Variants in TMEM132D observed in about 807,000 individuals in gnomAD.
TMEM132D encodes mature OL transmembrane protein.
A neutral mutation model predicts 62.3 loss-of-function variants in TMEM132D; 21 were observed. That is an observed-to-expected ratio of 0.34 (90% CI 0.24 to 0.49). The LOEUF (loss-of-function observed/expected upper bound fraction) is 0.49. Ranked by LOEUF, TMEM132D falls within the 20% of genes least tolerant of loss-of-function variation. TMEM132D has a pLI of 0.99. For missense variants in TMEM132D, 1,346 were observed against 1,402.8 expected, an observed-to-expected ratio of 0.96 and a Z score of 0.65; for synonymous variants, 621 against 575.6, an observed-to-expected ratio of 1.08 and a Z score of -1.13.
At chr12:129,245,238 A>G (rs1256208173) in intron 4 of TMEM132D, among the ~76,000 whole-genome samples, 1 of 152,124 alleles carries the variant, frequency 6.6e-6, no homozygotes, top group African/African-American at 2.4e-5. Context: ...ACTCCTAACA[A>G]CTACCGATGT....
chr12:129,217,099 T>C (rs781681353), intron 4 of TMEM132D, among the ~76,000 whole-genome samples: 16 of 152,160 alleles, frequency 1.1e-4, no homozygotes, highest in Non-Finnish European at 1.8e-4. Flanking sequence ...CCCATAAATG[T>C]TAAAATAGAT....
chr12:129,702,560 T>A (rs1423515991), intron 1 of TMEM132D, among the ~76,000 whole-genome samples: 1 of 152,168 alleles, frequency 6.6e-6, no homozygotes, highest in Non-Finnish European at 1.5e-5. Context: ...ATTATCAAAG[T>A]CACCTTGCTG....
intron 2 of TMEM132D, among the ~76,000 whole-genome samples, chr12:129,649,629 G>T (rs1332763584): frequency 2.6e-5 from 4 of 151,630 alleles, no homozygotes; most frequent in South Asian, 2.1e-4. Context: ...ATACAATAGG[G>T]TATAGAAATA....
chr12:129,078,513 G>T (rs753945598), intron 8 of TMEM132D, 21 bp downstream of exon 8: 2 of 1,607,268 alleles, frequency 1.2e-6, no homozygotes, highest in African/African-American at 1.3e-5. Context: ...GCTGAAGTGT[G>T]TCTCAAGCCC....
intron 5 of TMEM132D, among the ~76,000 whole-genome samples, chr12:129,152,482 C>T (rs754901320): frequency 6.6e-6 from 1 of 152,144 alleles, no homozygotes; most frequent in Non-Finnish European, 1.5e-5. Flanking sequence ...AAATGCTGCT[C>T]GAAAATCCCC....
chr12:129,753,328 G>A (rs1231010654), intron 1 of TMEM132D, among the ~76,000 whole-genome samples: 1 of 152,230 alleles, frequency 6.6e-6, no homozygotes, highest in Non-Finnish European at 1.5e-5. Flanking sequence ...CAAATGCAAT[G>A]CAATGTGGAG....
chr12:129,389,938 C>T (rs1245118140), intron 3 of TMEM132D, among the ~76,000 whole-genome samples: 1 of 152,220 alleles, frequency 6.6e-6, no homozygotes, highest in Non-Finnish European at 1.5e-5. Flanking sequence ...TGCTCTTCTA[C>T]CACGGGCAGT....
chr12:129,123,458 C>G (rs1484571040), intron 5 of TMEM132D, among the ~76,000 whole-genome samples: 1 of 152,118 alleles, frequency 6.6e-6, no homozygotes, highest in African/African-American at 2.4e-5. Flanking sequence ...CTGCCTCCAC[C>G]ACATCCTGCA....
chr12:129,900,189 C>G (rs764217313), intron 1 of TMEM132D, among the ~76,000 whole-genome samples: 2 of 152,124 alleles, frequency 1.3e-5, no homozygotes, highest in Non-Finnish European at 2.9e-5. Context: ...AGCTGGAAAT[C>G]GAATATGAAC....
intron 3 of TMEM132D, among the ~76,000 whole-genome samples, chr12:129,383,020 C>T (rs1398167500): frequency 6.6e-6 from 1 of 152,144 alleles, no homozygotes; most frequent in Non-Finnish European, 1.5e-5. Context: ...CGCTAGGCTG[C>T]TTCTAGCTTC....
intron 2 of TMEM132D, among the ~76,000 whole-genome samples, chr12:129,584,354 C>T (rs1011113586): frequency 1.3e-5 from 2 of 152,162 alleles, no homozygotes; most frequent in Non-Finnish European, 2.9e-5. Flanking sequence ...ACAGATTGTT[C>T]ATACTGCTTC....
chr12:129,835,763 T>C (rs1456902480), intron 1 of TMEM132D, among the ~76,000 whole-genome samples: 2 of 152,204 alleles, frequency 1.3e-5, no homozygotes, highest in Non-Finnish European at 2.9e-5. Flanking sequence ...TTTTCCCCAA[T>C]GCCTTGCAGG....
intron 4 of TMEM132D, among the ~76,000 whole-genome samples, chr12:129,218,185 T>A (rs566768173): frequency 6.6e-6 from 1 of 152,364 alleles, no homozygotes; most frequent in South Asian, 2.1e-4. Flanking sequence ...AGCTTTTAAA[T>A]TCATCCTCTG....
At position 129,720,970 on chromosome 12, in the gene TMEM132D, G is replaced by A. The variant is rs1318461561; in HGVS notation, c.80-20272C>T. Among the ~76,000 whole-genome samples, 5 of 152,236 alleles carry A rather than the reference G, an allele frequency of 3.3e-5. No homozygotes were observed. The East Asian group carries it at 9.6e-4, about 29-fold the overall frequency. ...CTCCAGGAGCTGACAGCCAGGTCAT[G>A]GCTTCAGAGGTGAGGAATCACTGCA... is the stretch of plus-strand genomic sequence containing the variant. On this transcript the variant is annotated intron_variant, in intron 1 of 8. Transcript: ENST00000422113.
At chr12:129,800,996 C>T (rs957712617) in intron 1 of TMEM132D, among the ~76,000 whole-genome samples, 4 of 151,772 alleles carry the variant, frequency 2.6e-5, no homozygotes, top group Admixed American at 6.6e-5. Context: ...CCGAATACTG[C>T]GCTTTTCTGA....
intron 3 of TMEM132D, among the ~76,000 whole-genome samples, chr12:129,477,804 G>C (rs1443712099): frequency 6.6e-6 from 1 of 151,800 alleles, no homozygotes; most frequent in Non-Finnish European, 1.5e-5. Flanking sequence ...CTGGGCAATA[G>C]AGCAAGATTC....
At chr12:129,556,337 T>C (rs1877056456) in intron 2 of TMEM132D, among the ~76,000 whole-genome samples, 1 of 152,158 alleles carries the variant, frequency 6.6e-6, no homozygotes, top group African/African-American at 2.4e-5. Context: ...ACCTGACACC[T>C]GGATCGGCAC....
chr12:129,649,808 GTGTA>G (rs754351730), intron 2 of TMEM132D, among the ~76,000 whole-genome samples: 3 of 151,670 alleles, frequency 2.0e-5, no homozygotes, highest in East Asian at 1.9e-4. Flanking sequence ...GTATGTGTGT[GTGTA>G]TGTGTGTATA....
At chr12:129,428,430 G>A (rs1402770172) in intron 3 of TMEM132D, among the ~76,000 whole-genome samples, 1 of 152,180 alleles carries the variant, frequency 6.6e-6, no homozygotes, top group African/African-American at 2.4e-5. Context: ...ATTCCAATTT[G>A]CATTTTTCTA....
Sources: allele counts gnomAD v4.1 joint callset (sites outside exome capture counted in the v4.1 genomes callset), GRCh38; gene constraint gnomAD v4.1.1; transcripts MANE v1.5; gene names NCBI Gene and HGNC (gene_info 2026-07-23, HGNC 2026-07-21).